The following SLC44A1 variants were observed in gnomAD, a reference collection of about 807,000 sequenced individuals.
The protein encoded by SLC44A1 is solute carrier family 44 member 1, also known as choline transporter-like protein 1.
A neutral mutation model predicts 79.3 loss-of-function variants in SLC44A1; 26 were observed. The ratio of observed to expected loss-of-function variants is 0.33; its 90% CI spans 0.24 to 0.46. The LOEUF (loss-of-function observed/expected upper bound fraction) is 0.46. Among genes scored for constraint, SLC44A1 ranks in the 20% least tolerant of loss-of-function variants. The pLI, the probability that SLC44A1 is intolerant of heterozygous loss-of-function variation, is 1.00. For missense variants in SLC44A1, 688 were observed against 798.1 expected (o/e 0.86, Z 1.66); for synonymous variants, 263 against 286.2 (o/e 0.92, Z 0.82).
chr9:105,400,741 T>C (rs566842643), downstream of SLC44A1, among the ~76,000 whole-genome samples: 1 of 152,318 alleles, frequency 6.6e-6, no homozygotes, highest in South Asian at 2.1e-4. Context: ...AGGTTTTTTA[T>C]AGTTTTTATA....
At chr9:105,268,715 G>A (rs1207253937) in intron 1 of SLC44A1, among the ~76,000 whole-genome samples, 1 of 151,662 alleles carries the variant, frequency 6.6e-6, no homozygotes, top group Non-Finnish European at 1.5e-5. Flanking sequence ...AATCAGGCTG[G>A]TCTCGAACTC....
rs1827830609 is a variant in SLC44A1, at chr9:105,363,079, A to G, written c.1087+72A>G. 7.5e-6 allele frequency: 9 copies of G among 1,194,258 alleles called. No individual in the cohort carries two copies. In the South Asian group the frequency reaches 1.3e-4, roughly 18 times the overall value. 74.0% of individuals were successfully genotyped at this position (1,194,258 alleles called of 1,614,324 possible). ...TCCAGTATTTTAGAACATCAGAGAG[A>G]GGTAATTCTTCAGACATTTGTTGAT... On this transcript the variant is annotated intron_variant, in intron 9 of 15. Coordinates refer to ENST00000374720, the MANE Select transcript of SLC44A1 (RefSeq NM_080546.5).
intron 15 of SLC44A1, among the ~76,000 whole-genome samples, chr9:105,430,983 T>C (rs1201671092): frequency 6.6e-6 from 1 of 152,200 alleles, no homozygotes; most frequent in African/African-American, 2.4e-5. Context: ...AAGTTGTATC[T>C]CAGTGTGGTT....
At chr9:105,270,827 A>G (rs1265486018) in intron 1 of SLC44A1, among the ~76,000 whole-genome samples, 1 of 152,204 alleles carries the variant, frequency 6.6e-6, no homozygotes, top group Non-Finnish European at 1.5e-5. Context: ...GTGCCTGGTC[A>G]ATGTTTGTTG....
At chr9:105,415,822 A>T (rs747448187) in intron 15 of SLC44A1, among the ~76,000 whole-genome samples, 5 of 151,934 alleles carry the variant, frequency 3.3e-5, no homozygotes, top group Non-Finnish European at 7.4e-5. Context: ...CATGTTTCTT[A>T]GAATGAATGT....
chr9:105,308,494 G>A (rs1588761843), intron 2 of SLC44A1, among the ~76,000 whole-genome samples: 1 of 152,288 alleles, frequency 6.6e-6, no homozygotes, highest in African/African-American at 2.4e-5. Context: ...AGTTTCTACT[G>A]ACTGTAGCTA....
At chr9:105,417,555 T>C (rs17246769) in intron 15 of SLC44A1, among the ~76,000 whole-genome samples, 3,814 of 152,252 alleles carry the variant, frequency 0.025, 51 homozygotes, top group Middle Eastern at 0.051. Context: ...TTTCTTTACC[T>C]GGCAAAAGGA....
chr9:105,363,037 A>G (rs1020352154), intron 9 of SLC44A1, 30 bp downstream of exon 9: 1 of 1,508,882 alleles, frequency 6.6e-7, no homozygotes, highest in Non-Finnish European at 9.0e-7. Flanking sequence ...TCTCTTAGTG[A>G]CAAACGTGAT....
At chr9:105,360,938 A>C (rs991190771) in intron 7 of SLC44A1, among the ~76,000 whole-genome samples, 7 of 152,176 alleles carry the variant, frequency 4.6e-5, no homozygotes, top group African/African-American at 1.4e-4. Context: ...ATAGTCAATA[A>C]TAAATACATT....
intron 5 of SLC44A1, among the ~76,000 whole-genome samples, chr9:105,354,407 A>G (rs1269806246): frequency 6.6e-6 from 1 of 152,194 alleles, no homozygotes; most frequent in Non-Finnish European, 1.5e-5. Flanking sequence ...ACTTAAAGGT[A>G]TTCTATAATT....
rs1828896097 is a variant in SLC44A1 at position 105,397,339 on chromosome 9, G to A, written c.*8283G>A. 2 of 980,684 alleles carry A rather than the reference G, an allele frequency of 2.0e-6. No homozygotes were observed. Among genetic ancestry groups the A allele is most frequent in the Non-Finnish European group, 1.2e-6 (1 of 825,796 alleles). The allele number at this position is 980,684 out of a possible 1,614,324, so 60.7% of individuals were successfully genotyped here. On this transcript the variant is annotated 3_prime_UTR_variant, in exon 16 of 16. Coordinates refer to ENST00000374720, the MANE Select transcript of SLC44A1 (RefSeq NM_080546.5). ...TTTATGTAATAAATAAAATTTTATA[G>A]GAAAGAATGTTATTGTCTACTGTGT...
Position 105,383,577 on chromosome 9 carries a change from G to A in SLC44A1, c.1869+218G>A, listed in dbSNP as rs1828542101. Among the ~76,000 whole-genome samples the A allele has an allele frequency of 2.6e-5, 4 of 152,204 alleles. No homozygotes were observed. In the South Asian group the frequency reaches 8.3e-4, roughly 31 times the overall value. ...ATTTCAGATCCACCTAGCTAGAGCA[G>A]TACTGGTTAATAGTCCTAAGTTCAC... On this transcript the variant is annotated intron_variant, in intron 14 of 15. Coordinates refer to ENST00000374720, the MANE Select transcript of SLC44A1 (RefSeq NM_080546.5).
At chr9:105,349,148 G>A (rs1827328352) in intron 5 of SLC44A1, among the ~76,000 whole-genome samples, 1 of 152,088 alleles carries the variant, frequency 6.6e-6, no homozygotes, top group South Asian at 2.1e-4. Context: ...AATTAGGTAG[G>A]TATACGTATC....
intron 1 of SLC44A1, among the ~76,000 whole-genome samples, chr9:105,287,623 A>T (rs965756944): frequency 1.3e-5 from 2 of 152,242 alleles, no homozygotes; most frequent in African/African-American, 4.8e-5. Flanking sequence ...AAAATCATTT[A>T]TCCTGAAAAC....
Position 105,267,650 on chromosome 9 carries a change from C to G in SLC44A1, c.36+22746C>G, listed in dbSNP as rs962335140. Among the ~76,000 whole-genome samples the G allele has an allele frequency of 2.0e-5, 3 of 152,056 alleles. No individual in the cohort carries two copies. The South Asian group carries it at 6.2e-4, about 31-fold the overall frequency. On this transcript the variant is annotated intron_variant, in intron 1 of 15. Transcript: ENST00000374720. Reference sequence around the variant, plus strand: ...TGTTTTTACATCATCTGTTATCTCTCTGTGTGTGTTTTAATTTCACTTCTC... The same window carrying G: ...TGTTTTTACATCATCTGTTATCTCTGTGTGTGTGTTTTAATTTCACTTCTC...
Position 105,246,197 on chromosome 9 carries a change from A to G in SLC44A1, c.36+1293A>G, listed in dbSNP as rs947642150. ...CCTCCAGAAAGCTAGCATCTGTGATAATGCCAGAAGTGTTTTTGCTGCTGC... is the reference window on the plus strand; with the variant it reads ...CCTCCAGAAAGCTAGCATCTGTGATGATGCCAGAAGTGTTTTTGCTGCTGC... On this transcript the variant is annotated intron_variant, in intron 1 of 15. Transcript: ENST00000374720. Among the ~76,000 whole-genome samples the G allele has an allele frequency of 2.0e-5, 3 of 152,218 alleles. No homozygotes were observed. The South Asian group carries it at 6.2e-4, about 32-fold the overall frequency.
chr9:105,437,363 C>T (rs1320604587), intron 15 of SLC44A1, among the ~76,000 whole-genome samples: 3 of 151,592 alleles, frequency 2.0e-5, no homozygotes, highest in Non-Finnish European at 4.4e-5. Flanking sequence ...ATATAGATGT[C>T]TATAGATATA....
chr9:105,393,887 CTA>C lies in SLC44A1; in HGVS notation c.*4832_*4833del, dbSNP rs1828820275. 4 of 984,664 alleles carry C rather than the reference CTA, an allele frequency of 4.1e-6. No homozygotes were observed. Among genetic ancestry groups the C allele is most frequent in the Non-Finnish European group, 4.8e-6 (4 of 829,306 alleles). 61.0% of individuals were successfully genotyped at this position (984,664 alleles called of 1,614,324 possible). Reference sequence around the variant, plus strand: ...GAATAATAAAGCTTTTATTAATGGTCTAGTGAAGATCTAGTTGAACATGGAAA... The same window carrying C: ...GAATAATAAAGCTTTTATTAATGGTCGTGAAGATCTAGTTGAACATGGAAA... On this transcript the variant is annotated 3_prime_UTR_variant, in exon 16 of 16. Coordinates refer to ENST00000374720, the MANE Select transcript of SLC44A1 (RefSeq NM_080546.5).
At chr9:105,386,423 G>A in intron 15 of SLC44A1, 1 of 983,480 alleles carries the variant, frequency 1.0e-6, no homozygotes, top group Non-Finnish European at 1.2e-6. Context: ...ATGTTCAAAA[G>A]TGTGAGGTAA....
Sources: gnomAD v4.1 joint callset for allele counts (sites outside exome capture counted in the v4.1 genomes callset) on GRCh38, gnomAD v4.1.1 for gene constraint, MANE v1.5 for transcripts, NCBI Gene and HGNC (gene_info 2026-07-23, HGNC 2026-07-21) for gene names.